The following CSMD1 variants were observed in gnomAD, a reference collection of about 807,000 sequenced individuals.
CSMD1 encodes the protein CUB and sushi domain-containing protein 1.
CSMD1 carries 213 observed loss-of-function variants against 417.5 expected under a neutral mutation model. The ratio of observed to expected loss-of-function variants is 0.51; its 90% CI spans 0.46 to 0.57. The LOEUF is 0.57. Among genes scored for constraint, CSMD1 ranks in the 20% least tolerant of loss-of-function variants. The probability of loss-of-function intolerance (pLI) is 0.00; values close to 1 mark genes in which losing one functional copy is unlikely to be tolerated. For synonymous variants in CSMD1, 2,862 were observed against 1,736.8 expected (o/e 1.65, Z -16.11); for missense variants, 6,923 against 4,529.7 (o/e 1.53, Z -15.17).
intron 5 of CSMD1, among the ~76,000 whole-genome samples, chr8:3,803,348 C>T (rs1263669583): frequency 1.3e-5 from 2 of 152,118 alleles, no homozygotes; most frequent in African/African-American, 2.4e-5. Context: ...ATAGACAAGA[C>T]AAGACAAGAC....
At chr8:4,090,647 G>A (rs948979355) in intron 3 of CSMD1, among the ~76,000 whole-genome samples, 1 of 152,154 alleles carries the variant, frequency 6.6e-6, no homozygotes, top group East Asian at 1.9e-4. Context: ...CTGAACTTAA[G>A]TAATTTAAGT....
intron 2 of CSMD1, among the ~76,000 whole-genome samples, chr8:4,595,625 G>C (rs1265621173): frequency 3.3e-5 from 5 of 152,038 alleles, no homozygotes; most frequent in Non-Finnish European, 7.4e-5. Flanking sequence ...AGTGAAGCTG[G>C]GTACTGCGAT....
At chr8:4,598,659 C>T (rs1800412188) in intron 2 of CSMD1, among the ~76,000 whole-genome samples, 1 of 152,112 alleles carries the variant, frequency 6.6e-6, no homozygotes, top group African/African-American at 2.4e-5. Context: ...ATCTAGACAC[C>T]TAATTTCCTC....
At chr8:2,981,481 T>C (rs558626290) in intron 54 of CSMD1, among the ~76,000 whole-genome samples, 2 of 152,144 alleles carry the variant, frequency 1.3e-5, no homozygotes, top group African/African-American at 2.4e-5. Flanking sequence ...CAGAAAGAAA[T>C]AAAGAGGCTC....
chr8:3,987,472 G>C (rs1814420867), intron 5 of CSMD1, among the ~76,000 whole-genome samples: 1 of 152,142 alleles, frequency 6.6e-6, no homozygotes, highest in Non-Finnish European at 1.5e-5. Flanking sequence ...TATTCACCCA[G>C]CTAGATGAGT....
chr8:4,064,828 C>G (rs1018248038), intron 3 of CSMD1, among the ~76,000 whole-genome samples: 2 of 151,970 alleles, frequency 1.3e-5, no homozygotes, highest in African/African-American at 2.4e-5. Context: ...ATATCTATAT[C>G]ATGTCAATAA....
At chr8:4,503,594 C>T (rs1437661959) in intron 2 of CSMD1, among the ~76,000 whole-genome samples, 1 of 152,086 alleles carries the variant, frequency 6.6e-6, no homozygotes, top group African/African-American at 2.4e-5. Context: ...ATAAAAATAA[C>T]TGCATTGACC....
chr8:3,083,553 G>A (rs1814260579), intron 49 of CSMD1, among the ~76,000 whole-genome samples: 1 of 127,752 alleles, frequency 7.8e-6, no homozygotes, highest in Admixed American at 8.8e-5. Flanking sequence ...ACAGCCAAAT[G>A]TGCAACTCTA....
intron 1 of CSMD1, among the ~76,000 whole-genome samples, chr8:4,694,314 T>C (rs1248462750): frequency 1.3e-5 from 2 of 152,124 alleles, no homozygotes; most frequent in Middle Eastern, 6.3e-3. Flanking sequence ...TGTCCTGCCT[T>C]TCTGGACCAA....
intron 1 of CSMD1, among the ~76,000 whole-genome samples, chr8:4,651,134 A>G (rs753981686): frequency 1.3e-4 from 20 of 152,206 alleles, no homozygotes; most frequent in Non-Finnish European, 2.6e-4. Context: ...TGAGGCTAAA[A>G]TGAGTACTAT....
chr8:3,935,732 G>A (rs1810450473), intron 5 of CSMD1, among the ~76,000 whole-genome samples: 1 of 152,046 alleles, frequency 6.6e-6, no homozygotes, highest in African/African-American at 2.4e-5. Context: ...CTCCTTCATT[G>A]GGCCTCGCTA....
chr8:4,535,158 A>G (rs1169816724), intron 2 of CSMD1, among the ~76,000 whole-genome samples: 1 of 152,236 alleles, frequency 6.6e-6, no homozygotes, highest in African/African-American at 2.4e-5. Context: ...TGAAAATTAT[A>G]TAATGCAGTA....
At chr8:3,490,823 A>G (rs537783179) in intron 11 of CSMD1, among the ~76,000 whole-genome samples, 4 of 152,260 alleles carry the variant, frequency 2.6e-5, no homozygotes, top group East Asian at 3.9e-4. Flanking sequence ...CAAAATATAG[A>G]TATCTGGGCC....
chr8:3,288,347 T>C (rs1361392899), intron 25 of CSMD1, among the ~76,000 whole-genome samples: 1 of 147,244 alleles, frequency 6.8e-6, no homozygotes, highest in Non-Finnish European at 1.5e-5. Context: ...TCTTTTTCTA[T>C]TGATTGGAAT....
At chr8:4,539,301 A>G (rs572756823) in intron 2 of CSMD1, among the ~76,000 whole-genome samples, 1 of 152,202 alleles carries the variant, frequency 6.6e-6, no homozygotes, top group Non-Finnish European at 1.5e-5. Flanking sequence ...GGGATGTAAA[A>G]TATATCTTTT....
At chr8:3,766,526 T>C (rs1265485994) in intron 5 of CSMD1, among the ~76,000 whole-genome samples, 2 of 152,134 alleles carry the variant, frequency 1.3e-5, no homozygotes, top group Non-Finnish European at 2.9e-5. Context: ...TACTTGGACA[T>C]TTGAAACAGG....
chr8:3,830,902 A>C (rs761054198), intron 5 of CSMD1, among the ~76,000 whole-genome samples: 1 of 152,130 alleles, frequency 6.6e-6, no homozygotes, highest in Non-Finnish European at 1.5e-5. Flanking sequence ...AATAAAATCT[A>C]TATTTCCTTC....
At chr8:4,739,102 A>G (rs1446924008) in intron 1 of CSMD1, among the ~76,000 whole-genome samples, 2 of 151,930 alleles carry the variant, frequency 1.3e-5, no homozygotes, top group African/African-American at 2.4e-5. Flanking sequence ...GTGAACATAC[A>G]CACGTGCACA....
At chr8:4,513,121 G>C (rs762226097) in intron 2 of CSMD1, among the ~76,000 whole-genome samples, 5 of 152,188 alleles carry the variant, frequency 3.3e-5, no homozygotes, top group Non-Finnish European at 7.3e-5. Context: ...ACAACAGCAA[G>C]AGTGCGCTCC....
Sources: gnomAD v4.1 joint callset for allele counts (sites outside exome capture counted in the v4.1 genomes callset) on GRCh38, gnomAD v4.1.1 for gene constraint, MANE v1.5 for transcripts, NCBI Gene and HGNC (gene_info 2026-07-23, HGNC 2026-07-21) for gene names.